The following KIAA1328 variants were observed in gnomAD, a reference collection of about 807,000 sequenced individuals.
The protein encoded by KIAA1328 is KIAA1328, also known as protein hinderin.
Under a neutral mutation model 68.1 loss-of-function variants are expected in KIAA1328, and 52 were observed. The observed-to-expected ratio is 0.76, with a 90% CI of 0.61 to 0.96. The LOEUF is 0.96. Ranked by LOEUF, KIAA1328 falls within the 40% of genes least tolerant of loss-of-function variation. The probability of loss-of-function intolerance (pLI) is 0.00; values close to 1 mark genes in which losing one functional copy is unlikely to be tolerated. For synonymous variants in KIAA1328, 232 were observed against 239.4 expected (o/e 0.97, Z 0.28); for missense variants, 641 against 677.6 (o/e 0.95, Z 0.60).
At chr18:37,071,057 C>CTTTTT (rs58722044) in intron 7 of KIAA1328, among the ~76,000 whole-genome samples, 1 of 86,836 alleles carries the variant, frequency 1.2e-5, no homozygotes, top group Non-Finnish European at 2.3e-5. Context: ...TTTTTTCTTC[C>CTTTTT]TTTTTTTTTT....
rs757097964 is a variant in KIAA1328 at position 37,131,253 on chromosome 18, A to G, written c.1233-28947A>G. Among the ~76,000 whole-genome samples the G allele has an allele frequency of 1.2e-3, 178 of 152,316 alleles. 2 individuals are homozygous for G. The highest frequency in any genetic ancestry group is 1.2e-3 in the Non-Finnish European group (84 of 68,030). On this transcript the variant is annotated intron_variant, in intron 7 of 9. Coordinates refer to ENST00000280020, the MANE Select transcript of KIAA1328 (RefSeq NM_020776.3). ...TAATGTTTTTGTCATTATCTTTAGC[A>G]AATAGTTTTGCCTATCTTTAGGGCC...
At position 37,174,417 on chromosome 18, in the gene KIAA1328, T is replaced by C. The variant is rs763187553; in HGVS notation, c.1523+1336T>C. On this transcript the variant is annotated intron_variant, in intron 9 of 9. Transcript: ENST00000280020. The stretch of plus-strand genomic sequence containing the variant: ...TTTTTTTTTTGAGATGGAGTCTCAC[T>C]CTGTCGCCAGGCTGGAGTACAGTGG... Among the ~76,000 whole-genome samples, 166 of 136,266 alleles carry C rather than the reference T, an allele frequency of 1.2e-3. 1 individual carries two copies. In the Middle Eastern group the frequency reaches 0.018, roughly 15 times the overall value. The allele number at this position is 136,266 out of a possible 152,430, so 89.4% of individuals were successfully genotyped here.
chr18:36,880,367 C>T (rs2048290435), intron 4 of KIAA1328, among the ~76,000 whole-genome samples: 1 of 152,180 alleles, frequency 6.6e-6, no homozygotes, highest in African/African-American at 2.4e-5. Flanking sequence ...TAACCAGTCC[C>T]AGTGAGATGA....
At chr18:37,195,968 A>G (rs1223178418) in intron 9 of KIAA1328, among the ~76,000 whole-genome samples, 1 of 152,002 alleles carries the variant, frequency 6.6e-6, no homozygotes, top group Non-Finnish European at 1.5e-5. Context: ...TGTTCTCTTC[A>G]ATTTCTTTCA....
intron 5 of KIAA1328, among the ~76,000 whole-genome samples, chr18:36,898,456 C>G (rs1474915828): frequency 6.6e-6 from 1 of 151,730 alleles, no homozygotes; most frequent in Admixed American, 6.6e-5. Context: ...GAAGAGATCT[C>G]AAGGAAAATA....
At chr18:37,138,722 T>G (rs1403861721) in intron 7 of KIAA1328, among the ~76,000 whole-genome samples, 1 of 152,172 alleles carries the variant, frequency 6.6e-6, no homozygotes, top group Non-Finnish European at 1.5e-5. Flanking sequence ...TGCCACATTA[T>G]GTATTCATTG....
intron 4 of KIAA1328, among the ~76,000 whole-genome samples, chr18:36,868,821 G>A (rs1201849895): frequency 2.0e-5 from 3 of 151,966 alleles, no homozygotes; most frequent in African/African-American, 4.8e-5. Flanking sequence ...TTTTCCCAGA[G>A]GACAGTTTGC....
chr18:37,027,916 T>G (rs563204460), intron 6 of KIAA1328, among the ~76,000 whole-genome samples: 2 of 152,154 alleles, frequency 1.3e-5, no homozygotes, highest in East Asian at 3.9e-4. Context: ...GAAACTACCA[T>G]CAGAGTGAAC....
At chr18:36,878,451 T>C (rs888808755) in intron 4 of KIAA1328, among the ~76,000 whole-genome samples, 1 of 152,150 alleles carries the variant, frequency 6.6e-6, no homozygotes, top group East Asian at 1.9e-4. Flanking sequence ...TAACATTTTT[T>C]CCTTCATTTC....
At chr18:37,181,814 CT>C (rs2059703822) in intron 9 of KIAA1328, among the ~76,000 whole-genome samples, 1 of 152,122 alleles carries the variant, frequency 6.6e-6, no homozygotes, top group African/African-American at 2.4e-5. Context: ...AGCTGTTTTA[CT>C]TTTCACATGA....
intron 6 of KIAA1328, among the ~76,000 whole-genome samples, chr18:36,997,610 C>G (rs934601312): frequency 6.6e-6 from 1 of 152,160 alleles, no homozygotes; most frequent in Non-Finnish European, 1.5e-5. Context: ...CAGCAAGGCA[C>G]CATTTTCAAA....
At chr18:37,178,420 A>G (rs2059635625) in intron 9 of KIAA1328, among the ~76,000 whole-genome samples, 1 of 152,148 alleles carries the variant, frequency 6.6e-6, no homozygotes, top group African/African-American at 2.4e-5. Flanking sequence ...ACAGGATTTC[A>G]TTCTTATTTA....
intron 7 of KIAA1328, among the ~76,000 whole-genome samples, chr18:37,125,656 C>T (rs538714447): frequency 3.9e-5 from 6 of 152,078 alleles, no homozygotes; most frequent in African/African-American, 7.2e-5. Context: ...ATCTCAAGAG[C>T]GAAAGCAGAG....
chr18:37,078,860 GAAC>G (rs2056845753), intron 7 of KIAA1328, among the ~76,000 whole-genome samples: 1 of 150,148 alleles, frequency 6.7e-6, no homozygotes, highest in Admixed American at 6.6e-5. Context: ...GGAGAAATAG[GAAC>G]ACTTTTACAC....
chr18:37,024,018 A>T (rs1473170277), intron 6 of KIAA1328, among the ~76,000 whole-genome samples: 1 of 151,982 alleles, frequency 6.6e-6, no homozygotes, highest in Non-Finnish European at 1.5e-5. Context: ...TGTGTATGTG[A>T]CAAAGTCTTG....
chr18:36,829,416 G>C, intron 1 of KIAA1328: 7 of 1,338,780 alleles, frequency 5.2e-6, no homozygotes, highest in African/African-American at 1.5e-5. Context: ...ACACGGCTCA[G>C]ATGCTTCCCA....
rs532460896 is a variant in KIAA1328, at chr18:36,958,128, A to C, written c.449-1180A>C. On this transcript the variant is annotated intron_variant, in intron 5 of 9. Coordinates refer to ENST00000280020, the MANE Select transcript of KIAA1328 (RefSeq NM_020776.3). ...AAGGTTCATCCATGTTGTAGCAGGT[A>C]GCAGTACTTCATTGCTTTTGGTGGC... is the stretch of plus-strand genomic sequence containing the variant. 1.2e-4 allele frequency among the ~76,000 whole-genome samples: 19 copies of C among 152,262 alleles called. 2 individuals are homozygous for C. The South Asian group carries it at 3.7e-3, about 30-fold the overall frequency.
In KIAA1328 at chr18:36,834,316, G is replaced by T; in HGVS notation, c.59-4G>T. 2 of 1,580,352 alleles carry T rather than the reference G, an allele frequency of 1.3e-6. No homozygotes were observed. Among genetic ancestry groups the T allele is most frequent in the African/African-American group, 1.3e-5 (1 of 74,116 alleles). On this transcript the variant is annotated splice_polypyrimidine_tract_variant and splice_region_variant and intron_variant, in intron 1 of 9. Transcript: ENST00000280020. ...TGTATTTTCCTTCATGTTCTCCTGC[G>T]TAGTTTCTGATGAAGAACAATCAGT...
chr18:37,128,263 G>A (rs2058439731), intron 7 of KIAA1328, among the ~76,000 whole-genome samples: 1 of 152,104 alleles, frequency 6.6e-6, no homozygotes, highest in African/African-American at 2.4e-5. Flanking sequence ...GAGGCCAGGA[G>A]TTTAAGACCA....
Sources: allele counts gnomAD v4.1 joint callset (sites outside exome capture counted in the v4.1 genomes callset), GRCh38; gene constraint gnomAD v4.1.1; transcripts MANE v1.5; gene names NCBI Gene and HGNC (gene_info 2026-07-23, HGNC 2026-07-21).